Variants in FAR2 observed in about 807,000 individuals in gnomAD.
The protein encoded by FAR2 is fatty acyl-CoA reductase 2, also known as epididymis secretory protein Li 81.
A neutral mutation model predicts 56.0 loss-of-function variants in FAR2; 19 were observed. The ratio of observed to expected loss-of-function variants is 0.34; its 90% confidence interval spans 0.24 to 0.50. The LOEUF is 0.50. Among genes scored for constraint, FAR2 ranks in the 20% least tolerant of loss-of-function variants. The probability of loss-of-function intolerance (pLI) is 0.98; values close to 1 mark genes in which losing one functional copy is unlikely to be tolerated. For synonymous variants in FAR2, 219 were observed against 218.8 expected, an observed-to-expected ratio of 1.00 and a Z score of -0.01; for missense variants, 508 against 642.2, an observed-to-expected ratio of 0.79 and a Z score of 2.26.
chr12:29,214,652 C>T (rs1947597667), intron 1 of FAR2, among the ~76,000 whole-genome samples: 2 of 151,818 alleles, frequency 1.3e-5, no homozygotes, highest in Admixed American at 1.3e-4. Flanking sequence ...TAAAATCCAT[C>T]TCTACTAAAA....
chr12:29,251,935 A>G (rs925952250), intron 1 of FAR2, among the ~76,000 whole-genome samples: 3 of 152,184 alleles, frequency 2.0e-5, no homozygotes, highest in Non-Finnish European at 4.4e-5. Context: ...GACCCACTAG[A>G]AAATTTTTTC....
At chr12:29,192,217 C>T (rs1950108540) in intron 1 of FAR2, among the ~76,000 whole-genome samples, 1 of 152,200 alleles carries the variant, frequency 6.6e-6, no homozygotes, top group Non-Finnish European at 1.5e-5. Flanking sequence ...TAATTCTCTC[C>T]ATTGTTTTGT....
At chr12:29,186,016 G>A (rs1020999544) in intron 1 of FAR2, among the ~76,000 whole-genome samples, 4 of 152,210 alleles carry the variant, frequency 2.6e-5, no homozygotes, top group Middle Eastern at 3.4e-3. Context: ...CATGTGAGGC[G>A]TAAATGCAAG....
chr12:29,194,959 A>G (rs960330068), intron 1 of FAR2, among the ~76,000 whole-genome samples: 1 of 152,192 alleles, frequency 6.6e-6, no homozygotes. Flanking sequence ...CCCTCTTGAA[A>G]TGGTCCATAC....
intron 3 of FAR2, among the ~76,000 whole-genome samples, chr12:29,296,151 G>A (rs1460593099): frequency 1.3e-5 from 2 of 152,012 alleles, no homozygotes; most frequent in African/African-American, 4.8e-5. Flanking sequence ...TGTTTTCCAT[G>A]TATGCAATTA....
Position 29,311,919 on chromosome 12 carries a change from T to C in FAR2, c.924T>C (p.Gly308=). The C allele has an allele frequency of 6.2e-7, 1 of 1,611,722 alleles. No individual in the cohort carries two copies. The highest frequency in any genetic ancestry group is 8.5e-7 in the Non-Finnish European group (1 of 1,178,776). The change falls in exon 8 of 12, where the codon GGT becomes GGC. Residue 308 remains glycine (G), a synonymous_variant. Transcript: ENST00000536681. ...CATTAGTCTACCACATTACATCTGG[T>C]AACATGAATCCCTGCAATTGGCACA... The part of the protein sequence containing the change: ...KSTLVYHITS[G]NMNPCNWHKM...
At chr12:29,330,245 C>T (rs899525810) in intron 10 of FAR2, among the ~76,000 whole-genome samples, 5 of 151,886 alleles carry the variant, frequency 3.3e-5, no homozygotes, top group East Asian at 3.9e-4. Context: ...TTAGTACAGA[C>T]GGGGTATCAC....
intron 1 of FAR2, among the ~76,000 whole-genome samples, chr12:29,182,938 C>CTTTTTTTTTTTT (rs11298420): frequency 7.6e-6 from 1 of 131,012 alleles, no homozygotes; most frequent in African/African-American, 2.8e-5. Context: ...TACTCATTGT[C>CTTTTTTTTTTTT]TTTTTTTTTT....
At chr12:29,296,789 A>G (rs1381133434) in intron 3 of FAR2, among the ~76,000 whole-genome samples, 1 of 152,198 alleles carries the variant, frequency 6.6e-6, no homozygotes, top group African/African-American at 2.4e-5. Context: ...TCCTCTAGAT[A>G]TATGTACAGT....
chr12:29,263,394 T>G (rs142494827), intron 1 of FAR2, among the ~76,000 whole-genome samples: 78 of 152,246 alleles, frequency 5.1e-4, no homozygotes, highest in Non-Finnish European at 1.0e-3. Context: ...AGACCATATA[T>G]TAGGTCACAA....
intron 1 of FAR2, among the ~76,000 whole-genome samples, chr12:29,258,320 A>C (rs1948361675): frequency 2.0e-5 from 3 of 152,148 alleles, no homozygotes; most frequent in Admixed American, 2.0e-4. Context: ...GCACCACTGC[A>C]CTCCAGTCTG....
chr12:29,218,932 C>T (rs1947654259), intron 1 of FAR2, among the ~76,000 whole-genome samples: 2 of 152,090 alleles, frequency 1.3e-5, no homozygotes, highest in African/African-American at 4.8e-5. Flanking sequence ...TGCTCTGTCG[C>T]CCAGGCTGGA....
intron 2 of FAR2, among the ~76,000 whole-genome samples, chr12:29,285,204 T>TGCTTGCCCCGG (rs111377746): frequency 0.66 from 100,095 of 151,624 alleles, 34,071 homozygotes; most frequent in African/African-American, 0.83. Flanking sequence ...AGTGTGTTCA[T>TGCTTGCCCCGG]GCTTCGCTGT....
At chr12:29,258,956 A>G (rs1948372843) in intron 1 of FAR2, among the ~76,000 whole-genome samples, 2 of 152,210 alleles carry the variant, frequency 1.3e-5, no homozygotes, top group South Asian at 4.1e-4. Flanking sequence ...GAATATTATC[A>G]AGATTTTCCA....
At chr12:29,320,051 TA>T (rs1949526339) in intron 9 of FAR2, among the ~76,000 whole-genome samples, 1 of 152,050 alleles carries the variant, frequency 6.6e-6, no homozygotes, top group Non-Finnish European at 1.5e-5. Context: ...AAATAAAATT[TA>T]AAAACGTTGT....
chr12:29,164,371 G>A (rs1305414943), intron 1 of FAR2, among the ~76,000 whole-genome samples: 1 of 152,098 alleles, frequency 6.6e-6, no homozygotes, highest in Non-Finnish European at 1.5e-5. Flanking sequence ...ACAGGAATTG[G>A]CTTCTGCTCC....
chr12:29,275,623 T>A (rs1221487607), intron 2 of FAR2, among the ~76,000 whole-genome samples: 1 of 152,152 alleles, frequency 6.6e-6, no homozygotes, highest in African/African-American at 2.4e-5. Context: ...GAGCCTCCAA[T>A]CACCCCTGCT....
At position 29,210,842 on chromosome 12, in the gene FAR2, C is replaced by T. The variant is rs539174141; in HGVS notation, c.-38-59570C>T. Among the ~76,000 whole-genome samples the T allele has an allele frequency of 2.2e-4, 34 of 152,186 alleles. 2 individuals are homozygous for T. In the South Asian group the frequency reaches 7.0e-3, roughly 32 times the overall value. On this transcript the variant is annotated intron_variant, in intron 1 of 11. Transcript: ENST00000536681. ...TGGCATGGGCCTGTAGTCCCAGCTA[C>T]TCTGGAGGCAGAAGAATCACTTGAA...
At position 29,230,169 on chromosome 12, in the gene FAR2, A is replaced by G. The variant is rs149468432; in HGVS notation, c.-38-40243A>G. 2.6e-3 allele frequency among the ~76,000 whole-genome samples: 389 copies of G among 152,316 alleles called. 1 individual carries two copies. Among genetic ancestry groups the G allele is most frequent in the African/African-American group, 8.8e-3 (367 of 41,580 alleles). On this transcript the variant is annotated intron_variant, in intron 1 of 11. Transcript: ENST00000536681. ...AAACTATAAACAGATGACTAGAAAC[A>G]GATGACGTAAACTACATCAGGTGGT...
Sources: gnomAD v4.1 joint callset for allele counts (sites outside exome capture counted in the v4.1 genomes callset) on GRCh38, gnomAD v4.1.1 for gene constraint, MANE v1.5 for transcripts, NCBI Gene and HGNC (gene_info 2026-07-23, HGNC 2026-07-21) for gene names.